Variants in CNBD1 observed in about 807,000 individuals in gnomAD.
The protein encoded by CNBD1 is cyclic nucleotide binding domain containing 1.
CNBD1 carries 71 observed loss-of-function variants against 54.4 expected under a neutral mutation model. The observed-to-expected ratio is 1.30, with a 90% CI of 1.08 to 1.59. The LOEUF (loss-of-function observed/expected upper bound fraction) is 1.59. Among genes scored for constraint, CNBD1 ranks in the 40% most tolerant of loss-of-function variants. CNBD1 has a pLI of 0.00. For missense variants in CNBD1, 659 were observed against 518.0 expected (o/e 1.27, Z -2.64); for synonymous variants, 182 against 170.7 (o/e 1.07, Z -0.51).
At chr8:87,103,914 G>A (rs753678525) in intron 4 of CNBD1, among the ~76,000 whole-genome samples, 9 of 152,184 alleles carry the variant, frequency 5.9e-5, no homozygotes, top group Non-Finnish European at 1.2e-4. Context: ...AGAGTAAGAG[G>A]AAATTGCTGT....
chr8:87,342,146 A>T (rs982202077), intron 8 of CNBD1, among the ~76,000 whole-genome samples: 11 of 152,216 alleles, frequency 7.2e-5, no homozygotes, highest in Middle Eastern at 3.4e-3. Flanking sequence ...GGTGGCAGGC[A>T]TCTGTAGTCC....
intron 2 of CNBD1, among the ~76,000 whole-genome samples, chr8:86,888,302 G>A (rs1312756153): frequency 2.6e-5 from 4 of 151,902 alleles, no homozygotes; most frequent in Non-Finnish European, 4.4e-5. Context: ...CATTTCTTCT[G>A]TCTCAGAGAG....
At chr8:86,977,355 T>C (rs1022072276) in intron 4 of CNBD1, among the ~76,000 whole-genome samples, 2 of 152,124 alleles carry the variant, frequency 1.3e-5, no homozygotes, top group African/African-American at 4.8e-5. Flanking sequence ...CTTGATGGTG[T>C]CCCATAAGTC....
intron 6 of CNBD1, among the ~76,000 whole-genome samples, chr8:87,251,936 T>C (rs1360477234): frequency 6.6e-6 from 1 of 152,148 alleles, no homozygotes; most frequent in South Asian, 2.1e-4. Context: ...ATGATGCTTA[T>C]AGGTAGATTT....
rs1810417658 is a variant in CNBD1 at position 87,356,264 on chromosome 8, G to A, written c.1303+2478G>A. Among the ~76,000 whole-genome samples, 4 of 152,176 alleles carry A rather than the reference G, an allele frequency of 2.6e-5. No individual in the cohort carries two copies. The South Asian group carries it at 8.3e-4, about 31-fold the overall frequency. ...CTTTGGAACTGGGTAGCAAGCAGAG[G>A]TTGGAAGAGTTTGAAAGTCTCATAA... is the stretch of plus-strand genomic sequence containing the variant. On this transcript the variant is annotated intron_variant, in intron 10 of 10. Transcript: ENST00000518476.
chr8:86,901,694 T>G (rs899359677), intron 2 of CNBD1, among the ~76,000 whole-genome samples: 3 of 152,216 alleles, frequency 2.0e-5, no homozygotes, highest in African/African-American at 7.2e-5. Flanking sequence ...CAGTCTTTAT[T>G]GTGTGGCTTC....
chr8:87,333,062 T>C (rs1010649012), intron 8 of CNBD1, among the ~76,000 whole-genome samples: 1 of 152,290 alleles, frequency 6.6e-6, no homozygotes, highest in Non-Finnish European at 1.5e-5. Context: ...CAGTGGTTTG[T>C]AGTTCTCCTT....
In CNBD1 at chr8:86,967,789, G is replaced by A. The variant is rs73689974; in HGVS notation, c.431+28035G>A. Among the ~76,000 whole-genome samples, 730 of 149,144 alleles carry A rather than the reference G, an allele frequency of 4.9e-3. 8 individuals carry two copies. Among genetic ancestry groups the A allele is most frequent in the African/African-American group, 0.017 (678 of 40,258 alleles). On this transcript the variant is annotated intron_variant, in intron 4 of 10. Transcript: ENST00000518476. Reference sequence around the variant, plus strand: ...TCCTGTCATATCTCACTCTGAATCCGTTGCTTGTTCAGTTTTTTTTTTTTT... The same window carrying A: ...TCCTGTCATATCTCACTCTGAATCCATTGCTTGTTCAGTTTTTTTTTTTTT...
intron 4 of CNBD1, among the ~76,000 whole-genome samples, chr8:86,988,171 T>G (rs996068276): frequency 1.3e-5 from 2 of 149,420 alleles, no homozygotes; most frequent in Non-Finnish European, 3.0e-5. Context: ...TATTACTGAT[T>G]CAATTTTGAA....
intron 4 of CNBD1, among the ~76,000 whole-genome samples, chr8:87,159,633 G>C (rs1180750589): frequency 6.6e-6 from 1 of 152,028 alleles, no homozygotes; most frequent in African/African-American, 2.4e-5. Context: ...GCTATAGTTG[G>C]ACTGCTGGTG....
chr8:87,034,373 A>C (rs1809860995), intron 4 of CNBD1, among the ~76,000 whole-genome samples: 1 of 152,234 alleles, frequency 6.6e-6, no homozygotes, highest in Non-Finnish European at 1.5e-5. Context: ...ACTGCTCATG[A>C]GGCAATGGTT....
chr8:86,900,754 C>G (rs2131803779), intron 2 of CNBD1, among the ~76,000 whole-genome samples: 1 of 152,226 alleles, frequency 6.6e-6, no homozygotes, highest in South Asian at 2.1e-4. Context: ...GATATTGATT[C>G]TCAAAGTAGG....
rs201256105 is a variant in CNBD1 at position 87,405,032 on chromosome 8, CTT to C, written c.214-23513_214-23512del. Among the ~76,000 whole-genome samples, 961 of 152,070 alleles carry C rather than the reference CTT, an allele frequency of 6.3e-3. 9 individuals are homozygous for C. Among genetic ancestry groups the C allele is most frequent in the African/African-American group, 0.022 (902 of 41,540 alleles). On this transcript the variant is annotated intron_variant, in intron 2 of 7. Transcript: ENST00000521593. ...GATTTTTGAGTCATAAAACTGCTAT[CTT>C]ATATATCAGTACTGAGTTGAAGAAA... is the stretch of plus-strand genomic sequence containing the variant.
intron 4 of CNBD1, among the ~76,000 whole-genome samples, chr8:86,987,664 G>A (rs1379573188): frequency 6.6e-6 from 1 of 152,094 alleles, no homozygotes; most frequent in Non-Finnish European, 1.5e-5. Flanking sequence ...TTATTATTTT[G>A]AAGTGTGTGC....
chr8:86,932,029 T>C (rs1269568306), intron 3 of CNBD1, among the ~76,000 whole-genome samples: 2 of 152,218 alleles, frequency 1.3e-5, no homozygotes, highest in Non-Finnish European at 2.9e-5. Context: ...GGGGACAGCT[T>C]GCTGACCAGT....
chr8:87,400,347 T>C (rs1482912937), intron 2 of CNBD1, among the ~76,000 whole-genome samples: 2 of 152,034 alleles, frequency 1.3e-5, no homozygotes, highest in African/African-American at 2.4e-5. Flanking sequence ...ATTGCTGGAA[T>C]TGATACACCT....
chr8:87,388,911 T>A (rs1206985791), intron 2 of CNBD1, among the ~76,000 whole-genome samples: 1 of 152,160 alleles, frequency 6.6e-6, no homozygotes, highest in East Asian at 1.9e-4. Context: ...CATGATCAAG[T>A]GGGCTTCATC....
chr8:87,015,019 T>C (rs1012003114), intron 4 of CNBD1, among the ~76,000 whole-genome samples: 1 of 152,112 alleles, frequency 6.6e-6, no homozygotes, highest in African/African-American at 2.4e-5. Flanking sequence ...CATAATAAGG[T>C]TAGTAAAATG....
At chr8:86,967,113 C>T (rs1808098313) in intron 4 of CNBD1, among the ~76,000 whole-genome samples, 1 of 152,224 alleles carries the variant, frequency 6.6e-6, no homozygotes, top group East Asian at 1.9e-4. Context: ...CTTCACCTCT[C>T]ACCAGGAGTG....
Sources: allele counts gnomAD v4.1 joint callset (sites outside exome capture counted in the v4.1 genomes callset), GRCh38; gene constraint gnomAD v4.1.1; transcripts MANE v1.5; gene names NCBI Gene and HGNC (gene_info 2026-07-23, HGNC 2026-07-21).